The following MSRB3 variants were observed in gnomAD, a reference collection of about 807,000 sequenced individuals.
The protein encoded by MSRB3 is methionine-R-sulfoxide reductase B3.
MSRB3 carries 13 observed loss-of-function variants against 21.0 expected under a neutral mutation model. The observed-to-expected ratio is 0.62, with a 90% CI of 0.40 to 0.98. MSRB3 has a LOEUF of 0.98. MSRB3 is among the 50% of genes least tolerant of loss of function. The pLI is 0.00. For synonymous variants in MSRB3, 87 were observed against 88.6 expected (o/e 0.98, Z 0.10); for missense variants, 199 against 230.3 (o/e 0.86, Z 0.88).
intron 1 of MSRB3, chr12:65,286,377 GT>G (rs1246991579): frequency 6.6e-6 from 1 of 152,200 alleles, no homozygotes; most frequent in African/African-American, 2.4e-5. Context: ...GCCAGACAAT[GT>G]ACTTTATACT....
chr12:65,323,444 A>C (rs1874817215), intron 2 of MSRB3, among the ~76,000 whole-genome samples: 1 of 152,242 alleles, frequency 6.6e-6, no homozygotes, highest in Admixed American at 6.5e-5. Flanking sequence ...AAATGGCAAT[A>C]TTATCTCCTC....
At chr12:65,310,400 A>T (rs982739157) in intron 2 of MSRB3, among the ~76,000 whole-genome samples, 2 of 152,226 alleles carry the variant, frequency 1.3e-5, no homozygotes, top group Non-Finnish European at 2.9e-5. Flanking sequence ...GTTGAATTGT[A>T]TACGACCTTG....
At chr12:65,436,870 T>C (rs1882140924) in intron 5 of MSRB3, among the ~76,000 whole-genome samples, 1 of 151,960 alleles carries the variant, frequency 6.6e-6, no homozygotes, top group East Asian at 1.9e-4. Flanking sequence ...ATCTTGGATT[T>C]ACATGCCAAC....
intron 4 of MSRB3, among the ~76,000 whole-genome samples, chr12:65,365,000 G>T (rs56000403): frequency 6.6e-6 from 1 of 151,712 alleles, no homozygotes; most frequent in Non-Finnish European, 1.5e-5. Context: ...TGCACCTTAC[G>T]TGTATATTTT....
intron 5 of MSRB3, among the ~76,000 whole-genome samples, chr12:65,427,495 T>C (rs1000059666): frequency 6.6e-6 from 1 of 152,136 alleles, no homozygotes; most frequent in African/African-American, 2.4e-5. Flanking sequence ...ACTGAGGAAG[T>C]TGTGGCTGAG....
At chr12:65,370,140 A>G (rs994378542) in intron 5 of MSRB3, among the ~76,000 whole-genome samples, 1 of 152,210 alleles carries the variant, frequency 6.6e-6, no homozygotes, top group Non-Finnish European at 1.5e-5. Context: ...AATCAGATGT[A>G]TGAATGGTAG....
chr12:65,299,821 G>A, intron 1 of MSRB3, among the ~76,000 whole-genome samples: 1 of 152,122 alleles, frequency 6.6e-6, no homozygotes, highest in Non-Finnish European at 1.5e-5. Context: ...GTTTCACAAT[G>A]TGAACTTGCT....
At chr12:65,318,715 T>C (rs909682611) in intron 2 of MSRB3, among the ~76,000 whole-genome samples, 2 of 152,208 alleles carry the variant, frequency 1.3e-5, no homozygotes, top group East Asian at 3.9e-4. Context: ...GAAAATGCTC[T>C]TTGGATCAAG....
intron 5 of MSRB3, among the ~76,000 whole-genome samples, chr12:65,450,462 T>G (rs1481859775): frequency 2.0e-5 from 3 of 152,192 alleles, no homozygotes; most frequent in Admixed American, 2.0e-4. Context: ...TTTATATTCT[T>G]TGAAATGAAA....
rs907228719 is a variant in MSRB3, at chr12:65,309,001, G to T, written c.76+346G>T. The T allele has an allele frequency of 5.1e-5, 16 of 316,454 alleles. No homozygotes were observed. The South Asian group carries it at 7.2e-4, about 14-fold the overall frequency. The allele number at this position is 316,454 out of a possible 1,614,324, so 19.6% of individuals were successfully genotyped here. A position where few individuals can be genotyped will look rare whatever the true frequency, so the allele number is the denominator to read the frequency against. ...AACTGCCCCAAATCACACAAAATAG[G>T]ACATTCATCTTGTTAAAGGATAATG... On this transcript the variant is annotated intron_variant, in intron 2 of 6. Coordinates refer to ENST00000308259, the MANE Select transcript of MSRB3 (RefSeq NM_001031679.3).
intron 2 of MSRB3, among the ~76,000 whole-genome samples, chr12:65,315,101 C>T (rs1874209174): frequency 6.6e-6 from 1 of 152,152 alleles, no homozygotes; most frequent in South Asian, 2.1e-4. Context: ...TCCTAGTTTA[C>T]AATTTCATCC....
chr12:65,316,557 A>G (rs1239059931), intron 2 of MSRB3, among the ~76,000 whole-genome samples: 1 of 152,208 alleles, frequency 6.6e-6, no homozygotes, highest in African/African-American at 2.4e-5. Context: ...ATAGGTGTTC[A>G]ATAAATATTT....
chr12:65,287,295 T>TA (rs201970299), intron 1 of MSRB3, among the ~76,000 whole-genome samples: 345 of 151,784 alleles, frequency 2.3e-3, no homozygotes, highest in African/African-American at 7.4e-3. Flanking sequence ...GCTAATTTTT[T>TA]AAAAAAAATT....
At chr12:65,380,208 T>G (rs1160323252) in intron 5 of MSRB3, among the ~76,000 whole-genome samples, 1 of 152,100 alleles carries the variant, frequency 6.6e-6, no homozygotes, top group African/African-American at 2.4e-5. Context: ...GAGGGCCCCT[T>G]AAGGTCAGGC....
intron 6 of MSRB3, among the ~76,000 whole-genome samples, chr12:65,458,943 G>A (rs1377656855): frequency 2.0e-5 from 3 of 152,166 alleles, no homozygotes; most frequent in Non-Finnish European, 4.4e-5. Context: ...GTTAAGCAAC[G>A]CTTTGTCAGG....
chr12:65,301,435 C>A, intron 1 of MSRB3, among the ~76,000 whole-genome samples: 1 of 152,166 alleles, frequency 6.6e-6, no homozygotes, highest in East Asian at 1.9e-4. Context: ...GGAAAACTTG[C>A]ATTTCCTACT....
At chr12:65,419,535 A>G in intron 5 of MSRB3, 1 of 741,792 alleles carries the variant, frequency 1.3e-6, no homozygotes, top group Non-Finnish European at 2.5e-6. Context: ...CTCTAAAGGC[A>G]TCAGCAGCAA....
At chr12:65,393,342 A>T (rs1278428820) in intron 5 of MSRB3, among the ~76,000 whole-genome samples, 3 of 152,150 alleles carry the variant, frequency 2.0e-5, no homozygotes, top group African/African-American at 4.8e-5. Context: ...GAGACACTTT[A>T]AAAAATGCTA....
At chr12:65,422,388 GTATATATATA>G (rs59746471) in intron 5 of MSRB3, among the ~76,000 whole-genome samples, 129 of 92,492 alleles carry the variant, frequency 1.4e-3, no homozygotes, top group East Asian at 4.3e-3. Flanking sequence ...GGAGTACATA[GTATATATATA>G]TATATATATA....
Sources: gnomAD v4.1 joint callset for allele counts (sites outside exome capture counted in the v4.1 genomes callset) on GRCh38, gnomAD v4.1.1 for gene constraint, MANE v1.5 for transcripts, NCBI Gene and HGNC (gene_info 2026-07-23, HGNC 2026-07-21) for gene names.